The following C4orf50 variants were observed in gnomAD, a reference collection of about 807,000 sequenced individuals.
The protein encoded by C4orf50 is chromosome 4 open reading frame 50.
A neutral mutation model predicts 77.2 loss-of-function variants in C4orf50; 80 were observed. That is an observed-to-expected ratio of 1.04 (90% CI 0.87 to 1.25). C4orf50 has a LOEUF of 1.25. Ranked by LOEUF, C4orf50 falls within the 50% of genes most tolerant of loss-of-function variation. The probability of loss-of-function intolerance (pLI) is 0.00; values close to 1 mark genes in which losing one functional copy is unlikely to be tolerated. For synonymous variants in C4orf50, 532 were observed against 465.3 expected (o/e 1.14, Z -1.84); for missense variants, 1,257 against 1,152.9 (o/e 1.09, Z -1.31).
intron 7 of C4orf50, among the ~76,000 whole-genome samples, chr4:5,949,008 C>G (rs1718609635): frequency 6.6e-6 from 1 of 150,514 alleles, no homozygotes; most frequent in Non-Finnish European, 1.5e-5. Context: ...CAGACATTTG[C>G]CCCTGATGGA....
At chr4:5,972,043 T>C (rs978327715) in intron 31 of C4orf50, among the ~76,000 whole-genome samples, 31 of 151,534 alleles carry the variant, frequency 2.0e-4, no homozygotes, top group African/African-American at 7.5e-4. Flanking sequence ...TCTTGCTCTG[T>C]CACCAGGCTG....
intron 7 of C4orf50, among the ~76,000 whole-genome samples, chr4:5,929,210 G>A (rs2108743520): frequency 6.6e-6 from 1 of 152,318 alleles, no homozygotes; most frequent in South Asian, 2.1e-4. Flanking sequence ...GGTTATATCT[G>A]TGTCTCAGTG....
chr4:6,003,903 G>C (rs111203610), intron 25 of C4orf50, among the ~76,000 whole-genome samples: 2 of 107,084 alleles, frequency 1.9e-5, no homozygotes, highest in South Asian at 3.8e-4. Flanking sequence ...ATGATGTGAT[G>C]GTGATGTTGA....
rs1722347820 is a variant in C4orf50 at position 6,008,480 on chromosome 4, T to G, written c.479A>C (p.Gln160Pro). Residue 160 changes from glutamine to proline, a missense_variant, in exon 25 of 34, where the codon CAG (glutamine) becomes CCG (proline). Physicochemically the swap from Gln to Pro is moderately conservative, Grantham distance 76. Coordinates refer to ENST00000531445, the Ensembl canonical transcript of C4orf50. The surrounding 1 kb of genome is among the most constrained non-coding windows in gnomAD (Gnocchi z 6.0). ...CTCGTCCTTGCGCCGCAACCGCTCC[T>G]GCAACCGCCGCAGCCGCCACTGCTG... 1 of 397,586 alleles carries G rather than the reference T, an allele frequency of 2.5e-6. No homozygotes were observed. 24.6% of individuals were successfully genotyped at this position (397,586 alleles called of 1,614,324 possible). A position where few individuals can be genotyped will look rare whatever the true frequency, so the allele number is the denominator to read the frequency against.
At chr4:5,997,039 A>C (rs1721622694) in intron 25 of C4orf50, among the ~76,000 whole-genome samples, 1 of 152,246 alleles carries the variant, frequency 6.6e-6, no homozygotes, top group African/African-American at 2.4e-5. Context: ...GGTGAATGAC[A>C]AAGGAAAAGG....
chr4:5,976,387 C>T (rs1219181328), intron 29 of C4orf50, among the ~76,000 whole-genome samples: 2 of 140,518 alleles, frequency 1.4e-5, no homozygotes, highest in Non-Finnish European at 3.0e-5. Flanking sequence ...ACCCAGGAGG[C>T]GGAGCTTGCA....
At chr4:5,922,727 C>T (rs577285386) in intron 7 of C4orf50, among the ~76,000 whole-genome samples, 1 of 152,282 alleles carries the variant, frequency 6.6e-6, no homozygotes, top group Non-Finnish European at 1.5e-5. Context: ...CTGCAGCGGC[C>T]CTCGTGGCAT....
intron 7 of C4orf50, among the ~76,000 whole-genome samples, chr4:5,938,779 C>T (rs1718141482): frequency 7.5e-6 from 1 of 132,524 alleles, no homozygotes; most frequent in African/African-American, 3.6e-5. Flanking sequence ...AATGTGATGT[C>T]AGTTTTTTTT....
exon 34 of C4orf50, chr4:5,959,621 A>T: frequency 6.2e-7 from 1 of 1,611,768 alleles, no homozygotes; most frequent in South Asian, 1.1e-5. Context: ...CCAAGGACAG[A>T]GGGAGCTGCA....
At chr4:5,948,960 CAAAAAAA>C (rs765201490) in intron 7 of C4orf50, among the ~76,000 whole-genome samples, 4 of 87,112 alleles carry the variant, frequency 4.6e-5, no homozygotes, top group Admixed American at 2.7e-4. Context: ...GACTCCATCT[CAAAAAAA>C]AAAAAAAAAA....
rs1342252964 is a variant in C4orf50, at chr4:6,008,142, C to G, written c.817G>C (p.Gly273Arg). ...CAGCAGCGCAGCTCCTCCAGCTGCCCGCGGAGCTGGCGCTCGGTGGCCCGG... is the reference window on the plus strand; with the variant it reads ...CAGCAGCGCAGCTCCTCCAGCTGCCGGCGGAGCTGGCGCTCGGTGGCCCGG... The change falls in exon 25 of 34, where the codon GGG becomes CGG. Residue 273 changes from glycine to arginine, a missense_variant. Transcript: ENST00000531445. The surrounding 1 kb of genome is among the most constrained non-coding windows in gnomAD (Gnocchi z 6.0). 2.5e-6 allele frequency: 1 copy of G among 398,890 alleles called. No homozygotes were observed. The highest frequency in any genetic ancestry group is 2.1e-5 in the African/African-American group (1 of 48,636). The allele number at this position is 398,890 out of a possible 1,614,324, so 24.7% of individuals were successfully genotyped here.
chr4:5,970,932 A>G lies in C4orf50; in HGVS notation c.4104+2727T>C, dbSNP rs539446850. On this transcript the variant is annotated intron_variant, in intron 31 of 33. Coordinates refer to ENST00000531445, the Ensembl canonical transcript of C4orf50. This position sits in a 1 kb window ranked among gnomAD's most constrained non-coding sequence, Gnocchi z 4.3. ...GAGGGCAGCATGAGTCTTGGCCACC[A>G]TGACTTGGCTGGATAAATGAAGGCA... Among the ~76,000 whole-genome samples, 7 of 152,276 alleles carry G rather than the reference A, an allele frequency of 4.6e-5. No homozygotes were observed. The highest frequency in any genetic ancestry group is 1.2e-4 in the African/African-American group (5 of 41,572).
Position 5,908,506 on chromosome 4 carries a change from G to A in C4orf50, c.*2475-10318C>T, listed in dbSNP as rs1716652771. ...TACAGCCTCCCTTCAGAGTCCAGTG[G>A]AGGAAGCAAATGTGTGAAGCAGACA... On this transcript the variant is annotated intron_variant, in intron 7 of 7. Coordinates refer to the C4orf50 transcript ENST00000324058. The surrounding 1 kb of genome is among the most constrained non-coding windows in gnomAD (Gnocchi z 5.6). Among the ~76,000 whole-genome samples, 1 of 152,094 alleles carries A rather than the reference G, an allele frequency of 6.6e-6. No individual in the cohort carries two copies.
At chr4:5,974,355 A>C (rs1018270514) in intron 30 of C4orf50, among the ~76,000 whole-genome samples, 1 of 152,150 alleles carries the variant, frequency 6.6e-6, no homozygotes, top group Non-Finnish European at 1.5e-5. Context: ...GGGAAGCCTC[A>C]CACTGCCGGA....
At chr4:5,950,429 G>T (rs1190340723) in intron 7 of C4orf50, among the ~76,000 whole-genome samples, 1 of 152,202 alleles carries the variant, frequency 6.6e-6, no homozygotes, top group African/African-American at 2.4e-5. Context: ...TCTTGAATTG[G>T]TCATTGTCGA....
At chr4:5,933,769 C>G (rs928004900) in intron 7 of C4orf50, among the ~76,000 whole-genome samples, 1 of 152,168 alleles carries the variant, frequency 6.6e-6, no homozygotes, top group Non-Finnish European at 1.5e-5. Context: ...TTGAAGGACA[C>G]TGTTCCCAAG....
At chr4:5,921,278 A>G (rs1717256897) in intron 7 of C4orf50, among the ~76,000 whole-genome samples, 1 of 152,204 alleles carries the variant, frequency 6.6e-6, no homozygotes, top group Non-Finnish European at 1.5e-5. Context: ...TGCATTGCTC[A>G]GTCCTGCCGT....
chr4:5,993,485 T>A (rs1244364991), intron 26 of C4orf50, among the ~76,000 whole-genome samples: 2 of 152,142 alleles, frequency 1.3e-5, no homozygotes, highest in African/African-American at 4.8e-5. Context: ...GCTCCCTGAG[T>A]GCAGGGGCTC....
intron 7 of C4orf50, among the ~76,000 whole-genome samples, chr4:5,938,934 C>T (rs980761740): frequency 6.6e-6 from 1 of 152,110 alleles, no homozygotes; most frequent in African/African-American, 2.4e-5. Context: ...TGCTTCTCTG[C>T]TTTTTTGATT....
Sources: gnomAD v4.1 joint callset for allele counts (sites outside exome capture counted in the v4.1 genomes callset) on GRCh38, gnomAD v4.1.1 for gene constraint, Gnocchi (gnomAD v3.1) non-coding constraint, MANE v1.5 for transcripts, NCBI Gene and HGNC (gene_info 2026-07-23, HGNC 2026-07-21) for gene names.